Variants in ICA1 observed in about 807,000 individuals in gnomAD.
ICA1 encodes islet cell autoantigen 1.
Under a neutral mutation model 71.0 loss-of-function variants are expected in ICA1, and 40 were observed. That is an observed-to-expected ratio of 0.56 (90% confidence interval 0.44 to 0.73). The LOEUF (loss-of-function observed/expected upper bound fraction) is 0.73. ICA1 is among the 30% of genes least tolerant of loss of function. The pLI, the probability that ICA1 is intolerant of heterozygous loss-of-function variation, is 0.00. For missense variants in ICA1, 578 were observed against 576.5 expected, an observed-to-expected ratio of 1.00 and a Z score of -0.03; for synonymous variants, 207 against 209.5, an observed-to-expected ratio of 0.99 and a Z score of 0.10.
intron 6 of ICA1, among the ~76,000 whole-genome samples, chr7:8,210,109 T>C (rs896296002): frequency 8.5e-5 from 13 of 152,200 alleles, no homozygotes; most frequent in Non-Finnish European, 1.6e-4. Context: ...TGTTACAGAA[T>C]TGGACTAGCA....
intron 6 of ICA1, among the ~76,000 whole-genome samples, chr7:8,185,859 G>A (rs1783737083): frequency 6.6e-6 from 1 of 152,192 alleles, no homozygotes; most frequent in Non-Finnish European, 1.5e-5. Context: ...TTGGTGCATA[G>A]TAAGCACTCA....
At chr7:8,255,006 C>A (rs904422422) in intron 1 of ICA1, among the ~76,000 whole-genome samples, 3 of 152,176 alleles carry the variant, frequency 2.0e-5, no homozygotes, top group Admixed American at 6.5e-5. Flanking sequence ...TCTGTGCACC[C>A]CTGCTCACTT....
At chr7:8,139,299 C>T (rs752992374) in intron 10 of ICA1, among the ~76,000 whole-genome samples, 2 of 152,188 alleles carry the variant, frequency 1.3e-5, no homozygotes, top group African/African-American at 2.4e-5. Context: ...TAACAATTCT[C>T]CTTCCATGGA....
intron 6 of ICA1, among the ~76,000 whole-genome samples, chr7:8,196,780 G>A (rs1401017092): frequency 6.6e-6 from 1 of 151,946 alleles, no homozygotes; most frequent in East Asian, 1.9e-4. Flanking sequence ...ACCTTGAATT[G>A]TAGTAATTCA....
intron 1 of ICA1, among the ~76,000 whole-genome samples, chr7:8,254,975 C>G (rs1809553622): frequency 6.6e-6 from 1 of 152,110 alleles, no homozygotes; most frequent in South Asian, 2.1e-4. Flanking sequence ...CGCTGGGCAC[C>G]TTCTGTCACA....
chr7:8,211,534 G>C, intron 6 of ICA1, among the ~76,000 whole-genome samples: 1 of 3,890 alleles, frequency 2.6e-4, no homozygotes. Context: ...GTAGGAGTGG[G>C]AGGAATGAGT....
intron 10 of ICA1, 37 bp from the exon 11 acceptor site, chr7:8,139,084 C>T (rs760684305): frequency 5.3e-6 from 8 of 1,518,086 alleles, no homozygotes; most frequent in African/African-American, 2.7e-5. Flanking sequence ...ACCAACAACT[C>T]GAAATGGTGT....
At chr7:8,194,881 T>C (rs1428041618) in intron 6 of ICA1, among the ~76,000 whole-genome samples, 1 of 152,168 alleles carries the variant, frequency 6.6e-6, no homozygotes, top group Admixed American at 6.5e-5. Context: ...TGCTAAGCAC[T>C]TAATAGGTGC....
At chr7:8,224,939 T>G (rs1391550804) in intron 4 of ICA1, among the ~76,000 whole-genome samples, 1 of 152,206 alleles carries the variant, frequency 6.6e-6, no homozygotes. Flanking sequence ...TCTTTCTTAG[T>G]GCACAGCATC....
intron 1 of ICA1, among the ~76,000 whole-genome samples, chr7:8,248,055 C>T (rs73236340): frequency 0.034 from 5,141 of 152,234 alleles, 164 homozygotes; most frequent in African/African-American, 0.08. Context: ...ATTAGATCAA[C>T]TATTTCTTTT....
chr7:8,150,918 A>G (rs911806109), intron 8 of ICA1, among the ~76,000 whole-genome samples: 3 of 152,206 alleles, frequency 2.0e-5, no homozygotes, highest in Non-Finnish European at 4.4e-5. Context: ...CCAATTCCCA[A>G]TCTTCTGCAC....
intron 6 of ICA1, among the ~76,000 whole-genome samples, chr7:8,159,632 G>A (rs1051117278): frequency 3.3e-5 from 5 of 152,064 alleles, no homozygotes; most frequent in Non-Finnish European, 7.4e-5. Context: ...CGTGGGAGGT[G>A]GAGGTTGCAG....
intron 12 of ICA1, among the ~76,000 whole-genome samples, chr7:8,135,713 G>C (rs1793176919): frequency 6.6e-6 from 1 of 152,202 alleles, no homozygotes; most frequent in African/African-American, 2.4e-5. Flanking sequence ...AGAATCACAA[G>C]TCTAGAAGTA....
At chr7:8,183,110 T>C (rs575350278) in intron 6 of ICA1, among the ~76,000 whole-genome samples, 3 of 152,324 alleles carry the variant, frequency 2.0e-5, no homozygotes, top group Admixed American at 1.3e-4. Context: ...TACAACTAAA[T>C]AGACCGATTT....
chr7:8,139,451 T>C (rs1794481061), intron 10 of ICA1, among the ~76,000 whole-genome samples: 1 of 152,186 alleles, frequency 6.6e-6, no homozygotes, highest in South Asian at 2.1e-4. Flanking sequence ...ATTCCAATTA[T>C]ATGACATTTT....
intron 6 of ICA1, among the ~76,000 whole-genome samples, chr7:8,183,448 T>C (rs1408870122): frequency 6.6e-6 from 1 of 152,174 alleles, no homozygotes; most frequent in African/African-American, 2.4e-5. Context: ...GAGGGAGATA[T>C]AGAAGGTTTT....
intron 13 of ICA1, among the ~76,000 whole-genome samples, chr7:8,124,234 C>T (rs571067885): frequency 6.6e-6 from 1 of 151,098 alleles, no homozygotes; most frequent in African/African-American, 2.4e-5. Flanking sequence ...CATTCTCCTG[C>T]CTCAGCCTCC....
chr7:8,240,458 C>T (rs954388425), intron 1 of ICA1, among the ~76,000 whole-genome samples: 4 of 152,078 alleles, frequency 2.6e-5, no homozygotes, highest in Non-Finnish European at 5.9e-5. Context: ...AGAGCAGAAA[C>T]CAGAGCAGAA....
intron 1 of ICA1, among the ~76,000 whole-genome samples, chr7:8,242,325 T>C (rs1804241397): frequency 6.6e-6 from 1 of 152,054 alleles, no homozygotes; most frequent in South Asian, 2.1e-4. Context: ...ACTGGGTAAA[T>C]AATGAAATGA....
Sources: gnomAD v4.1 joint callset for allele counts (sites outside exome capture counted in the v4.1 genomes callset) on GRCh38, gnomAD v4.1.1 for gene constraint, MANE v1.5 for transcripts, NCBI Gene and HGNC (gene_info 2026-07-23, HGNC 2026-07-21) for gene names.